SRRM1: variants seen among roughly 807,000 people sequenced by gnomAD.
SRRM1 encodes serine and arginine repetitive matrix 1.
A neutral mutation model predicts 110.2 loss-of-function variants in SRRM1; 19 were observed. That is an observed-to-expected ratio of 0.17 (90% CI 0.12 to 0.25). SRRM1 has a LOEUF of 0.25. SRRM1 is among the 10% of genes least tolerant of loss of function. The probability of loss-of-function intolerance (pLI) is 1.00; values close to 1 mark genes in which losing one functional copy is unlikely to be tolerated. For missense variants in SRRM1, 918 were observed against 1,145.8 expected (o/e 0.80, Z 2.87); for synonymous variants, 443 against 414.9 (o/e 1.07, Z -0.82).
At chr1:24,657,674 G>T (rs890618627) in intron 9 of SRRM1, among the ~76,000 whole-genome samples, 2 of 152,158 alleles carry the variant, frequency 1.3e-5, no homozygotes, top group African/African-American at 4.8e-5. Flanking sequence ...TTGGAATACA[G>T]TATACAGTCA....
rs1353163382 is a variant in SRRM1 at position 24,666,807 on chromosome 1, T to C, written c.1629-8T>C. The C allele has an allele frequency of 1.9e-6, 3 of 1,609,956 alleles. No individual in the cohort carries two copies. The highest frequency in any genetic ancestry group is 2.5e-6 in the Non-Finnish European group (3 of 1,176,704). Reference sequence around the variant, plus strand: ...AAAAAAAATTAACTATAATTCTTCTTGGTTTAGTGGTAGACGGAGGAGAAG... The same window carrying C: ...AAAAAAAATTAACTATAATTCTTCTCGGTTTAGTGGTAGACGGAGGAGAAG... On this transcript the variant is annotated splice_polypyrimidine_tract_variant and splice_region_variant and intron_variant, in intron 12 of 16. Transcript: ENST00000323848.
At chr1:24,671,647 A>G (rs1001414180) in intron 16 of SRRM1, 52 bp downstream of exon 16, 4 of 1,489,868 alleles carry the variant, frequency 2.7e-6, no homozygotes, top group Middle Eastern at 1.8e-4. Context: ...ACAGATAGCA[A>G]AGTCATTTTG....
chr1:24,670,372 A>G (rs746748929), intron 15 of SRRM1, 57 bp downstream of exon 15: 3 of 1,467,380 alleles, frequency 2.0e-6, no homozygotes, highest in Non-Finnish European at 2.7e-6. Context: ...GGTCACTTTG[A>G]AGCAGAGAAA....
intron 12 of SRRM1, chr1:24,663,065 G>A: frequency 9.7e-7 from 1 of 1,028,508 alleles, no homozygotes; most frequent in Middle Eastern, 2.2e-4. Flanking sequence ...TATTATAGCA[G>A]TAACTCCTGA....
rs746575596 is a variant in SRRM1, at chr1:24,655,017, A to G, written c.1203A>G (p.Pro401=). 18 of 1,614,046 alleles carry G rather than the reference A, an allele frequency of 1.1e-5. No homozygotes were observed. The highest frequency in any genetic ancestry group is 1.7e-5 in the Admixed American group (1 of 59,996). The change falls in exon 9 of 17, where the codon CCA becomes CCG. Residue 401 remains proline (P), a synonymous_variant. Transcript: ENST00000323848. Reference sequence around the variant, plus strand: ...GTCCTCCAAGGCGAAGGCACAGGCCATCACCTCCTGCAACTCCACCACCCA... The same window carrying G: ...GTCCTCCAAGGCGAAGGCACAGGCCGTCACCTCCTGCAACTCCACCACCCA... The part of the protein sequence containing the change: ...SASPPRRRHR[P]SPPATPPPKT...
rs1051666639 is a variant in SRRM1, at chr1:24,672,910, T to C, written c.*624T>C. Reference sequence around the variant, plus strand: ...CCAGGACACTGTGGGTTTATATTGATGTGTAACAAGTTGATTTGGAACACT... The same window carrying C: ...CCAGGACACTGTGGGTTTATATTGACGTGTAACAAGTTGATTTGGAACACT... On this transcript the variant is annotated 3_prime_UTR_variant, in exon 17 of 17. Coordinates refer to ENST00000323848, the MANE Select transcript of SRRM1 (RefSeq NM_005839.4). 6.6e-6 allele frequency: 1 copy of C among 152,614 alleles called. No homozygotes were observed. Among genetic ancestry groups the C allele is most frequent in the African/African-American group, 2.4e-5 (1 of 41,476 alleles). 9.5% of individuals were successfully genotyped at this position (152,614 alleles called of 1,614,324 possible).
intron 3 of SRRM1, 137 bp from the exon 4 acceptor site, chr1:24,648,722 A>G (rs1185042821): frequency 3.0e-6 from 2 of 662,368 alleles, no homozygotes; most frequent in Non-Finnish European, 5.0e-6. Context: ...TTTGTAAAAT[A>G]GTAAGGACTA....
At chr1:24,651,375 T>G in intron 5 of SRRM1, 34 bp from the exon 6 acceptor site, 1 of 1,577,028 alleles carries the variant, frequency 6.3e-7, no homozygotes, top group Non-Finnish European at 8.7e-7. Context: ...ATCCATGTTA[T>G]TTAAAAACCT....
chr1:24,656,456 G>C (rs1210189102), intron 9 of SRRM1, among the ~76,000 whole-genome samples: 3 of 152,218 alleles, frequency 2.0e-5, no homozygotes, highest in Non-Finnish European at 4.4e-5. Flanking sequence ...GCCTGTAACT[G>C]TTCCAGGTTC....
At chr1:24,648,260 A>T (rs1445923514) in intron 3 of SRRM1, 1 of 152,208 alleles carries the variant, frequency 6.6e-6, no homozygotes, top group Non-Finnish European at 1.5e-5. Context: ...ATTTTTGAGA[A>T]ATCTTGACCT....
At chr1:24,654,726 T>C (rs1347263302) in intron 8 of SRRM1, 129 bp from the exon 9 acceptor site, 2 of 1,115,780 alleles carry the variant, frequency 1.8e-6, no homozygotes, top group Non-Finnish European at 2.6e-6. Context: ...TTTGGACTCA[T>C]TTATGTGCTT....
chr1:24,657,155 A>G (rs895164922), intron 9 of SRRM1, among the ~76,000 whole-genome samples: 2 of 152,164 alleles, frequency 1.3e-5, no homozygotes, highest in African/African-American at 4.8e-5. Context: ...GTCATAGCTC[A>G]CTGCAGCCTC....
chr1:24,652,201 C>A (rs961917454), intron 6 of SRRM1, among the ~76,000 whole-genome samples: 2 of 150,300 alleles, frequency 1.3e-5, no homozygotes, highest in African/African-American at 4.9e-5. Flanking sequence ...GCCTGAGTGA[C>A]AAGAGTGAGA....
At chr1:24,649,234 T>A (rs1478981684) in intron 4 of SRRM1, among the ~76,000 whole-genome samples, 1 of 152,250 alleles carries the variant, frequency 6.6e-6, no homozygotes, top group African/African-American at 2.4e-5. Flanking sequence ...AGTGATTTGC[T>A]AGATTTTTAC....
intron 9 of SRRM1, among the ~76,000 whole-genome samples, chr1:24,658,981 G>T (rs1179453569): frequency 2.0e-5 from 3 of 152,122 alleles, no homozygotes; most frequent in Non-Finnish European, 4.4e-5. Flanking sequence ...ATCACCCGAG[G>T]TTGGGAGTTC....
In SRRM1 at chr1:24,670,230, A is replaced by G. The variant is rs750639902; in HGVS notation, c.2315A>G (p.Gln772Arg). 1.2e-6 allele frequency: 2 copies of G among 1,614,106 alleles called. No homozygotes were observed. The highest frequency in any genetic ancestry group is 1.7e-6 in the Non-Finnish European group (2 of 1,180,006). The change falls in exon 15 of 17, where the codon CAG becomes CGG. Residue 772 changes from glutamine (Q) to arginine (R), a missense_variant. Physicochemically the swap from Gln to Arg is conservative, Grantham distance 43 (BLOSUM62 1). This residue lies in a region of SRRM1 where 357 missense variants were observed against 402.9 expected (regional missense o/e 0.89). Transcript: ENST00000323848. ...CCCCCAGCACCTCCATCCCCCGTCC[A>G]GTCTCAGTCACCGTCTACAAACTGG... ...KKPPAPPSPV[Q>R]SQSPSTNWSP... is the part of the protein sequence containing the mutation.
intron 8 of SRRM1, among the ~76,000 whole-genome samples, 199 bp downstream of exon 8, chr1:24,653,231 A>C (rs1662046071): frequency 6.6e-6 from 1 of 152,230 alleles, no homozygotes; most frequent in South Asian, 2.1e-4. Context: ...GGTGTTGGAA[A>C]GTAAACGAGA....
intron 12 of SRRM1, among the ~76,000 whole-genome samples, chr1:24,666,116 AT>A (rs1302925472): frequency 2.0e-5 from 3 of 152,228 alleles, no homozygotes; most frequent in African/African-American, 7.2e-5. Context: ...CCTGGTAGGC[AT>A]AAATCTCACA....
At chr1:24,665,885 A>G (rs963040000) in intron 12 of SRRM1, among the ~76,000 whole-genome samples, 1 of 152,252 alleles carries the variant, frequency 6.6e-6, no homozygotes. Context: ...GAACCAAGAC[A>G]AAACATAATT....
Sources: allele counts gnomAD v4.1 joint callset (sites outside exome capture counted in the v4.1 genomes callset), GRCh38; gene constraint gnomAD v4.1.1; regional missense constraint gnomAD v4.1.1; transcripts MANE v1.5; gene names NCBI Gene and HGNC (gene_info 2026-07-23, HGNC 2026-07-21).